Variants in ZNF583 observed in about 807,000 individuals in gnomAD.
The protein encoded by ZNF583 is zinc finger protein 583.
A neutral mutation model predicts 55.3 loss-of-function variants in ZNF583; 30 were observed. The ratio of observed to expected loss-of-function variants is 0.54; its 90% CI spans 0.41 to 0.74. ZNF583 has a LOEUF of 0.74. Among genes scored for constraint, ZNF583 ranks in the 30% least tolerant of loss-of-function variants. The pLI is 0.00. For missense variants in ZNF583, 504 were observed against 664.7 expected, an observed-to-expected ratio of 0.76 and a Z score of 2.66; for synonymous variants, 208 against 220.0, an observed-to-expected ratio of 0.95 and a Z score of 0.48.
intron 4 of ZNF583, chr19:56,421,416 G>A (rs1436868699): frequency 1.0e-6 from 1 of 977,638 alleles, no homozygotes; most frequent in African/African-American, 1.8e-5. Context: ...TAATTTTCAT[G>A]TTGACTTTTT....
Position 56,424,395 on chromosome 19 carries a change from C to G in ZNF583, c.*27C>G. The G allele has an allele frequency of 1.1e-6, 1 of 930,450 alleles. No homozygotes were observed. Among genetic ancestry groups the G allele is most frequent in the Non-Finnish European group, 1.7e-6 (1 of 587,326 alleles). The allele number at this position is 930,450 out of a possible 1,614,324, so 57.6% of individuals were successfully genotyped here. A position where few individuals can be genotyped will look rare whatever the true frequency, so the allele number is the denominator to read the frequency against. The stretch of plus-strand genomic sequence containing the variant: ...TATTTCTGGAATCCACCTCTTGAAT[C>G]CATTTCCATCCCATCATCCTTGTCC... On this transcript the variant is annotated 3_prime_UTR_variant, in exon 5 of 5. Coordinates refer to ENST00000333201, the MANE Select transcript of ZNF583 (RefSeq NM_152478.3).
In ZNF583 at chr19:56,426,138, TG is replaced by T. The variant is rs1344607407; in HGVS notation, c.*1771del. 6.6e-6 allele frequency: 1 copy of T among 152,258 alleles called. No homozygotes were observed. Among genetic ancestry groups the T allele is most frequent in the Non-Finnish European group, 1.5e-5 (1 of 68,040 alleles). 9.4% of individuals were successfully genotyped at this position (152,258 alleles called of 1,614,324 possible). ...TACCTAACAAAATTCTAATAAATTT[TG>T]TAAGGTTTTAACATGTATGTGTGAA... On this transcript the variant is annotated 3_prime_UTR_variant, in exon 5 of 5. Transcript: ENST00000333201.
chr19:56,416,570 G>A (rs2147588040), intron 4 of ZNF583, among the ~76,000 whole-genome samples: 1 of 150,776 alleles, frequency 6.6e-6, no homozygotes, highest in South Asian at 2.1e-4. Context: ...ATTTAGTAAT[G>A]AGATTATTAA....
rs1377607632 is a variant in ZNF583, at chr19:56,426,905, C to A, written c.*2537C>A. The A allele has an allele frequency of 7.0e-6, 1 of 142,654 alleles. No individual in the cohort carries two copies. The highest frequency in any genetic ancestry group is 1.5e-5 in the Non-Finnish European group (1 of 66,658). The allele number at this position is 142,654 out of a possible 1,614,324, so 8.8% of individuals were successfully genotyped here. ...CACACAATGTCTTTCCCTCCAGATT[C>A]TATTATACACATAGAACAATGTAAA... On this transcript the variant is annotated 3_prime_UTR_variant, in exon 5 of 5. Coordinates refer to ENST00000333201, the MANE Select transcript of ZNF583 (RefSeq NM_152478.3).
chr19:56,421,155 A>C (rs890587765), intron 4 of ZNF583, among the ~76,000 whole-genome samples: 1 of 152,140 alleles, frequency 6.6e-6, no homozygotes, highest in Non-Finnish European at 1.5e-5. Flanking sequence ...CCACTAACTC[A>C]ATCAAAAACT....
intron 2 of ZNF583, among the ~76,000 whole-genome samples, chr19:56,413,534 T>C (rs2042270090): frequency 6.6e-6 from 1 of 152,208 alleles, no homozygotes; most frequent in Non-Finnish European, 1.5e-5. Flanking sequence ...TTTGGAAAAA[T>C]GCCAGATTCA....
intron 2 of ZNF583, 158 bp from the exon 3 acceptor site, chr19:56,413,801 A>G (rs1373544932): frequency 7.4e-6 from 3 of 404,290 alleles, no homozygotes; most frequent in Non-Finnish European, 3.3e-6. Context: ...TCATTTAGCA[A>G]TTACCTGACA....
chr19:56,419,594 C>T (rs1432173992), intron 4 of ZNF583, among the ~76,000 whole-genome samples: 3 of 152,150 alleles, frequency 2.0e-5, no homozygotes, highest in Non-Finnish European at 4.4e-5. Context: ...TCTCTATTTT[C>T]TGACAGTTTG....
chr19:56,410,280 G>A (rs1237993852), intron 2 of ZNF583, among the ~76,000 whole-genome samples: 1 of 152,162 alleles, frequency 6.6e-6, no homozygotes, highest in Non-Finnish European at 1.5e-5. Flanking sequence ...GGTCAAAATA[G>A]TGTAATTAAA....
intron 4 of ZNF583, among the ~76,000 whole-genome samples, chr19:56,420,610 A>C (rs2042399397): frequency 1.3e-5 from 2 of 152,300 alleles, no homozygotes; most frequent in South Asian, 4.1e-4. Flanking sequence ...ACAGACATTA[A>C]AGATTATTTC....
chr19:56,422,149 A>G (rs953251433), intron 4 of ZNF583, among the ~76,000 whole-genome samples: 2 of 152,188 alleles, frequency 1.3e-5, no homozygotes, highest in African/African-American at 4.8e-5. Context: ...AGAGTTTCAT[A>G]AACCAAGGTA....
Position 56,424,009 on chromosome 19 carries a change from C to T in ZNF583, c.1351C>T (p.Leu451Phe). Residue 451 changes from leucine (L) to phenylalanine (F), a missense_variant, in exon 5 of 5, where the codon CTT becomes TTT. Transcript: ENST00000333201. ...GAAGGCCTTTAGCAATAGTTCATCA[C>T]TTGCACAACATCAGAGAAGTCATAC... Reference protein sequence around the residue: ...CGKAFSNSSSLAQHQRSHTGE... With the variant: ...CGKAFSNSSSFAQHQRSHTGE... 1.2e-6 allele frequency: 2 copies of T among 1,614,112 alleles called. No homozygotes were observed. The highest frequency in any genetic ancestry group is 8.5e-7 in the Non-Finnish European group (1 of 1,180,018).
intron 4 of ZNF583, among the ~76,000 whole-genome samples, chr19:56,415,741 T>C (rs913813716): frequency 7.2e-5 from 11 of 152,200 alleles, no homozygotes; most frequent in African/African-American, 2.2e-4. Flanking sequence ...TTTTTCTGTA[T>C]TTTAAGTAGA....
rs1201949035 is a variant in ZNF583 at position 56,426,691 on chromosome 19, A to G, written c.*2323A>G. 6.6e-6 allele frequency: 1 copy of G among 152,202 alleles called. No individual in the cohort carries two copies. Among genetic ancestry groups the G allele is most frequent in the Non-Finnish European group, 1.5e-5 (1 of 68,036 alleles). 9.4% of individuals were successfully genotyped at this position (152,202 alleles called of 1,614,324 possible). On this transcript the variant is annotated 3_prime_UTR_variant, in exon 5 of 5. Coordinates refer to ENST00000333201, the MANE Select transcript of ZNF583 (RefSeq NM_152478.3). ...ATCTCCCTAGGATCAGAAGAAATAC[A>G]GTTTAGGCCAATGAAATACTATTTT...
intron 4 of ZNF583, among the ~76,000 whole-genome samples, chr19:56,422,050 T>C (rs1327339707): frequency 6.6e-6 from 1 of 152,104 alleles, no homozygotes; most frequent in Non-Finnish European, 1.5e-5. Context: ...GCTCCTAAAG[T>C]GGAAATAAAG....
chr19:56,413,416 T>C (rs2042268368), intron 2 of ZNF583, among the ~76,000 whole-genome samples: 1 of 152,202 alleles, frequency 6.6e-6, no homozygotes, highest in Non-Finnish European at 1.5e-5. Context: ...ACTGTTTCTA[T>C]TATATATTTA....
At position 56,423,140 on chromosome 19, in the gene ZNF583, C is replaced by A. The variant is rs1360955606; in HGVS notation, c.482C>A (p.Ser161Tyr). The A allele has an allele frequency of 6.2e-7, 1 of 1,611,956 alleles. No homozygotes were observed. Among genetic ancestry groups the A allele is most frequent in the Non-Finnish European group, 8.5e-7 (1 of 1,179,532 alleles). Residue 161 changes from serine (S) to tyrosine (Y), a missense_variant, in exon 5 of 5, where the codon TCT (serine) becomes TAT (tyrosine). Physicochemically the swap from Ser to Tyr is moderately radical, Grantham distance 144. Around this residue, in one of 3 missense-constraint regions of ZNF583, gnomAD observed 204 missense variants for 235.2 expected, o/e 0.87. Transcript: ENST00000333201. Reference protein sequence around the residue: ...PEVQNKEYNKSWQTFHQDTIF... With the variant: ...PEVQNKEYNKYWQTFHQDTIF... ...GTTCAAAATAAAGAATATAACAAAT[C>A]TTGGCAAACATTCCACCAGGATACA...
chr19:56,423,039 G>A lies in ZNF583; in HGVS notation c.381G>A (p.Trp127Ter). ...GAGAAGACTGTCAAAGTGAGGACTGGTATAAGAACCAGCTGGGAAGTCAAG... is the reference window on the plus strand; with the variant it reads ...GAGAAGACTGTCAAAGTGAGGACTGATATAAGAACCAGCTGGGAAGTCAAG... Reference protein sequence around the residue: ...SLREDCQSEDWYKNQLGSQEV... With the variant: ...SLREDCQSED Residue 127 changes from tryptophan (W) to a stop codon, truncating the protein, a stop_gained, in exon 5 of 5, where the codon TGG (tryptophan) becomes TGA (stop). Transcript: ENST00000333201. LOFTEE classifies it high-confidence loss of function. 6.2e-7 allele frequency: 1 copy of A among 1,613,960 alleles called. No homozygotes were observed. Among genetic ancestry groups the A allele is most frequent in the Non-Finnish European group, 8.5e-7 (1 of 1,179,946 alleles).
chr19:56,413,933 G>A, intron 2 of ZNF583, 26 bp from the exon 3 acceptor site: 2 of 1,613,714 alleles, frequency 1.2e-6, no homozygotes, highest in Non-Finnish European at 1.7e-6. Context: ...CACTAGTTGA[G>A]CAAGAATGTG....
Sources: gnomAD v4.1 joint callset for allele counts (sites outside exome capture counted in the v4.1 genomes callset) on GRCh38, gnomAD v4.1.1 for gene constraint, gnomAD v4.1.1 regional missense constraint, MANE v1.5 for transcripts, NCBI Gene and HGNC (gene_info 2026-07-23, HGNC 2026-07-21) for gene names.